Variants in MICU2 observed in about 807,000 individuals in gnomAD.
MICU2 encodes the protein calcium uptake protein 2, mitochondrial.
A neutral mutation model predicts 60.4 loss-of-function variants in MICU2; 64 were observed. The ratio of observed to expected loss-of-function variants is 1.06; its 90% CI spans 0.87 to 1.31. The LOEUF (loss-of-function observed/expected upper bound fraction) is 1.31, where lower values mean the gene tolerates loss of function less well. MICU2 is among the 50% of genes most tolerant of loss of function. The pLI is 0.00. For synonymous variants in MICU2, 201 were observed against 175.0 expected (o/e 1.15, Z -1.17); for missense variants, 569 against 531.0 (o/e 1.07, Z -0.70).
chr13:21,526,645 G>T (rs1040336969), intron 4 of MICU2, among the ~76,000 whole-genome samples: 36 of 152,072 alleles, frequency 2.4e-4, no homozygotes, highest in Admixed American at 2.2e-3. Context: ...GATGATCAAA[G>T]ATGTCACAGA....
At chr13:21,529,153 C>T (rs756130773) in intron 4 of MICU2, among the ~76,000 whole-genome samples, 9 of 151,694 alleles carry the variant, frequency 5.9e-5, no homozygotes, top group Non-Finnish European at 1.2e-4. Context: ...AAGATGAATT[C>T]GATAAATACT....
At chr13:21,508,613 G>T (rs900828557) in intron 8 of MICU2, among the ~76,000 whole-genome samples, 1 of 152,074 alleles carries the variant, frequency 6.6e-6, no homozygotes, top group Admixed American at 6.5e-5. Flanking sequence ...CTTCACACAG[G>T]TAAGTTCATA....
At chr13:21,575,295 GA>G (rs1888197066) in intron 1 of MICU2, among the ~76,000 whole-genome samples, 1 of 151,806 alleles carries the variant, frequency 6.6e-6, no homozygotes, top group Admixed American at 6.6e-5. Context: ...TCTCTTTCCT[GA>G]TTAAATAACT....
intron 2 of MICU2, among the ~76,000 whole-genome samples, chr13:21,562,557 T>C (rs1887873187): frequency 6.6e-6 from 1 of 152,242 alleles, no homozygotes; most frequent in African/African-American, 2.4e-5. Context: ...AATATTTTTT[T>C]AGTAGTTGTC....
chr13:21,502,787 T>G, intron 9 of MICU2, 139 bp downstream of exon 9: 1 of 731,598 alleles, frequency 1.4e-6, no homozygotes, highest in African/African-American at 1.8e-5. Context: ...GAGAAGAGCA[T>G]GTAGAGAACA....
chr13:21,558,227 A>G (rs1049701232), intron 2 of MICU2, among the ~76,000 whole-genome samples: 1 of 152,134 alleles, frequency 6.6e-6, no homozygotes, highest in African/African-American at 2.4e-5. Flanking sequence ...TCAGGGAGGC[A>G]GTTTTGGGTA....
intron 1 of MICU2, among the ~76,000 whole-genome samples, chr13:21,576,675 A>G (rs1239868563): frequency 6.6e-6 from 1 of 152,156 alleles, no homozygotes; most frequent in African/African-American, 2.4e-5. Context: ...CCCAGTCCTC[A>G]GCAAATGGCT....
chr13:21,539,545 A>C (rs933058164), intron 3 of MICU2, 112 bp downstream of exon 3: 1 of 1,428,722 alleles, frequency 7.0e-7, no homozygotes, highest in South Asian at 1.2e-5. Context: ...TGATCCGCCC[A>C]CCTTGGCCTC....
At chr13:21,569,618 G>C (rs1888061487) in intron 1 of MICU2, among the ~76,000 whole-genome samples, 1 of 151,776 alleles carries the variant, frequency 6.6e-6, no homozygotes, top group Non-Finnish European at 1.5e-5. Flanking sequence ...GAACACATAA[G>C]AATCAAGGGG....
chr13:21,575,332 T>C (rs753912268), intron 1 of MICU2, among the ~76,000 whole-genome samples: 6 of 151,974 alleles, frequency 3.9e-5, no homozygotes, highest in Non-Finnish European at 8.8e-5. Context: ...TTTTGCTTCT[T>C]CCATAATTAC....
At chr13:21,569,546 C>T (rs1167731400) in intron 1 of MICU2, among the ~76,000 whole-genome samples, 2 of 152,046 alleles carry the variant, frequency 1.3e-5, no homozygotes, top group Non-Finnish European at 2.9e-5. Context: ...TAAGCCCCAC[C>T]TTCTCTGAAG....
At chr13:21,509,968 A>C in intron 8 of MICU2, 36 bp downstream of exon 8, 2 of 1,236,058 alleles carry the variant, frequency 1.6e-6, no homozygotes, top group Non-Finnish European at 2.3e-6. Flanking sequence ...CTTACCCATA[A>C]AATTTCCCTA....
intron 1 of MICU2, among the ~76,000 whole-genome samples, chr13:21,589,527 T>C (rs79348386): frequency 0.14 from 21,777 of 152,160 alleles, 1,766 homozygotes; most frequent in Middle Eastern, 0.23. Context: ...TAGATATGAG[T>C]TCTAAATTTC....
At chr13:21,496,706 G>A (rs1255632435) in intron 9 of MICU2, 1 of 152,342 alleles carries the variant, frequency 6.6e-6, no homozygotes, top group African/African-American at 2.4e-5. Flanking sequence ...CTACTAACTG[G>A]AACAATCAGG....
At chr13:21,603,880 A>C (rs1888887653) in intron 1 of MICU2, 59 bp downstream of exon 1, 4 of 1,578,278 alleles carry the variant, frequency 2.5e-6, no homozygotes, top group Non-Finnish European at 3.5e-6. Flanking sequence ...CTCCCCGCCT[A>C]AGGGCGTCAG....
chr13:21,547,598 T>C (rs1424210450), intron 2 of MICU2, among the ~76,000 whole-genome samples: 1 of 152,174 alleles, frequency 6.6e-6, no homozygotes, highest in African/African-American at 2.4e-5. Flanking sequence ...TGTAAAGAAA[T>C]GTATGGATTA....
At chr13:21,545,526 A>G (rs569082973) in intron 2 of MICU2, among the ~76,000 whole-genome samples, 6 of 152,256 alleles carry the variant, frequency 3.9e-5, no homozygotes, top group Admixed American at 3.9e-4. Flanking sequence ...ACTAAAAAAT[A>G]CAAAAATTGA....
At chr13:21,533,297 T>A (rs1487947295) in intron 4 of MICU2, among the ~76,000 whole-genome samples, 1 of 151,938 alleles carries the variant, frequency 6.6e-6, no homozygotes, top group Non-Finnish European at 1.5e-5. Context: ...ATATATATAT[T>A]TTTGTAATCA....
At chr13:21,548,396 T>C (rs556817526) in intron 2 of MICU2, among the ~76,000 whole-genome samples, 3 of 152,368 alleles carry the variant, frequency 2.0e-5, no homozygotes, top group African/African-American at 7.2e-5. Flanking sequence ...TAGCTGCTAA[T>C]GTTTACCTGA....
Sources: gnomAD v4.1 joint callset for allele counts (sites outside exome capture counted in the v4.1 genomes callset) on GRCh38, gnomAD v4.1.1 for gene constraint, MANE v1.5 for transcripts, NCBI Gene and HGNC (gene_info 2026-07-23, HGNC 2026-07-21) for gene names.